The following PUDP variants were observed in gnomAD, a reference collection of about 807,000 sequenced individuals.
PUDP encodes pseudouridine-5'-phosphatase.
In PUDP, 8 loss-of-function variants were observed where a neutral mutation model predicts 9.4. That is an observed-to-expected ratio of 0.85 (90% CI 0.50 to 1.53). The LOEUF (loss-of-function observed/expected upper bound fraction) is 1.53, where lower values mean the gene tolerates loss of function less well. Among genes scored for constraint, PUDP ranks in the 40% most tolerant of loss-of-function variants. PUDP has a pLI of 0.00. For synonymous variants in PUDP, 99 were observed against 80.7 expected, an observed-to-expected ratio of 1.23 and a Z score of -1.22; for missense variants, 188 against 189.7, an observed-to-expected ratio of 0.99 and a Z score of 0.05.
At chrX:6,983,371 G>A (rs1241868879) in intron 1 of PUDP, among the ~76,000 whole-genome samples, 1 of 111,160 alleles carries the variant, frequency 9.0e-6, no homozygotes, top group Non-Finnish European at 1.9e-5. Flanking sequence ...CAGTTCCCGG[G>A]TGGGGACCAC....
chrX:7,083,488 G>C (rs1463950332), intron 2 of PUDP, among the ~76,000 whole-genome samples: 1 of 111,713 alleles, frequency 9.0e-6, no homozygotes, highest in Non-Finnish European at 1.9e-5. Context: ...AATAAATCAG[G>C]AGAGGAGGGC....
At chrX:6,971,937 T>C (rs1928883796) in intron 3 of PUDP, among the ~76,000 whole-genome samples, 1 of 111,917 alleles carries the variant, frequency 8.9e-6, no homozygotes, top group African/African-American at 3.3e-5. Flanking sequence ...ACATCCCTTG[T>C]AAGTTGTATT....
At chrX:7,012,911 A>C (rs1009318385) in intron 1 of PUDP, among the ~76,000 whole-genome samples, 4 of 111,051 alleles carry the variant, frequency 3.6e-5, no homozygotes, top group African/African-American at 1.3e-4. Flanking sequence ...CATTTGTGAA[A>C]ATAAAATAGA....
At chrX:6,768,415 G>A (rs1925312566) in intron 3 of PUDP, among the ~76,000 whole-genome samples, 1 of 112,152 alleles carries the variant, frequency 8.9e-6, no homozygotes, top group Admixed American at 9.5e-5. Context: ...GAACTCAATG[G>A]TTTTACCACT....
At chrX:6,807,043 G>T (rs1016464780) in intron 3 of PUDP, among the ~76,000 whole-genome samples, 10 of 112,429 alleles carry the variant, frequency 8.9e-5, no homozygotes, top group Non-Finnish European at 1.7e-4. Flanking sequence ...TGAGCCCTCT[G>T]AAAGGTTGCC....
chrX:6,897,066 A>G (rs750891075), intron 3 of PUDP, among the ~76,000 whole-genome samples: 10 of 111,193 alleles, frequency 9.0e-5, no homozygotes, highest in Non-Finnish European at 1.9e-4. Flanking sequence ...ATAAGGTAGT[A>G]AAAACCCCGG....
At chrX:6,971,585 T>G (rs1264390278) in intron 3 of PUDP, among the ~76,000 whole-genome samples, 4 of 103,374 alleles carry the variant, frequency 3.9e-5, no homozygotes, top group African/African-American at 1.4e-4. Context: ...CCCGGCTAAT[T>G]TTTTTTTTTT....
At chrX:7,126,206 G>A (rs1932483156) in intron 1 of PUDP, among the ~76,000 whole-genome samples, 1 of 111,543 alleles carries the variant, frequency 9.0e-6, no homozygotes, top group African/African-American at 3.3e-5. Flanking sequence ...TTATGCTTTT[G>A]GTTCACTTAT....
At chrX:6,967,309 G>T (rs1326995584) in intron 3 of PUDP, among the ~76,000 whole-genome samples, 1 of 111,390 alleles carries the variant, frequency 9.0e-6, no homozygotes, top group Non-Finnish European at 1.9e-5. Flanking sequence ...CCCCTTAGCT[G>T]GTGTCCCCAG....
intron 3 of PUDP, among the ~76,000 whole-genome samples, chrX:6,922,091 A>C (rs1928032694): frequency 9.0e-6 from 1 of 111,165 alleles, no homozygotes; most frequent in Non-Finnish European, 1.9e-5. Flanking sequence ...AGAAGGATGG[A>C]TACCAGAAGC....
intron 1 of PUDP, among the ~76,000 whole-genome samples, chrX:7,010,152 T>C (rs1167953631): frequency 8.9e-6 from 1 of 111,789 alleles, no homozygotes; most frequent in Non-Finnish European, 1.9e-5. Flanking sequence ...TTGGCACTTT[T>C]AGAGCAATCA....
intron 3 of PUDP, among the ~76,000 whole-genome samples, chrX:6,781,370 T>C (rs185818278): frequency 1.8e-5 from 2 of 111,934 alleles, no homozygotes; most frequent in East Asian, 5.6e-4. Flanking sequence ...TTTTTTATGA[T>C]CATTCTGACA....
chrX:7,064,324 A>G (rs750095316), intron 3 of PUDP, among the ~76,000 whole-genome samples: 1 of 111,770 alleles, frequency 8.9e-6, no homozygotes, highest in Non-Finnish European at 1.9e-5. Flanking sequence ...TTGGATGTCT[A>G]CTGAATAAAT....
intron 3 of PUDP, among the ~76,000 whole-genome samples, chrX:6,872,884 C>T (rs185253708): frequency 0.092 from 10,092 of 109,863 alleles, 604 homozygotes; most frequent in East Asian, 0.46. Flanking sequence ...TCTAGCGATA[C>T]GAGGTATCCC....
chrX:6,934,314 T>C (rs1214410988), intron 3 of PUDP, among the ~76,000 whole-genome samples: 4 of 99,785 alleles, frequency 4.0e-5, no homozygotes, highest in African/African-American at 1.5e-4. Context: ...CAGAAGAGAG[T>C]GGGGGCCAAT....
chrX:6,987,803 T>C (rs1227659340), intron 1 of PUDP, among the ~76,000 whole-genome samples: 1 of 112,527 alleles, frequency 8.9e-6, no homozygotes, highest in African/African-American at 3.2e-5. Context: ...AAATGTTTGT[T>C]GATCCCTGGT....
chrX:7,017,244 T>C (rs1257702992), intron 1 of PUDP, among the ~76,000 whole-genome samples: 17 of 112,055 alleles, frequency 1.5e-4, no homozygotes, highest in African/African-American at 5.5e-4. Context: ...CCACATTCTT[T>C]AGGTCCCCTC....
chrX:6,990,129 G>GCACA lies in PUDP; in HGVS notation c.205-11790_205-11787dup, dbSNP rs373150266. On this transcript the variant is annotated intron_variant and NMD_transcript_variant, in intron 1 of 3. Transcript: ENST00000655425. ...TAGGTTTACATGTGCAGGCGCGCATGCACACACACACACACACACACAAAG... is the reference window on the plus strand; with the variant it reads ...TAGGTTTACATGTGCAGGCGCGCATGCACACACACACACACACACACACACAAAG... 8.0e-4 allele frequency among the ~76,000 whole-genome samples: 86 copies of GCACA among 107,209 alleles called. 1 individual carries two copies. Among genetic ancestry groups the GCACA allele is most frequent in the East Asian group, 2.6e-3 (9 of 3,427 alleles). 93.1% of individuals were successfully genotyped at this position (107,209 alleles called of 115,157 possible).
At chrX:7,047,678 T>C (rs1312663790), downstream of PUDP, among the ~76,000 whole-genome samples, 1 of 112,396 alleles carries the variant, frequency 8.9e-6, no homozygotes, top group Non-Finnish European at 1.9e-5. Context: ...TTTCTCTTTT[T>C]AGAAGATAAT....
Sources: gnomAD v4.1 joint callset for allele counts (sites outside exome capture counted in the v4.1 genomes callset) on GRCh38, gnomAD v4.1.1 for gene constraint, MANE v1.5 for transcripts, NCBI Gene and HGNC (gene_info 2026-07-23, HGNC 2026-07-21) for gene names.